TNS3: variants seen among roughly 807,000 people sequenced by gnomAD.
TNS3 encodes tensin 3.
In TNS3, 45 loss-of-function variants were observed where a neutral mutation model predicts 140.9. The ratio of observed to expected loss-of-function variants is 0.32; its 90% CI spans 0.25 to 0.41. The LOEUF (loss-of-function observed/expected upper bound fraction) is 0.41. Among genes scored for constraint, TNS3 ranks in the 10% least tolerant of loss-of-function variants. The pLI is 1.00. For missense variants in TNS3, 1,716 were observed against 1,906.7 expected, an observed-to-expected ratio of 0.90 and a Z score of 1.86; for synonymous variants, 815 against 788.4, an observed-to-expected ratio of 1.03 and a Z score of -0.56.
At chr7:47,493,933 G>A (rs1797909163) in intron 3 of TNS3, among the ~76,000 whole-genome samples, 1 of 152,144 alleles carries the variant, frequency 6.6e-6, no homozygotes. Flanking sequence ...TGGCCAACTG[G>A]CCAACTCTAA....
chr7:47,562,132 A>AAATTCCCT (rs534154509), intron 1 of TNS3, among the ~76,000 whole-genome samples: 84 of 152,164 alleles, frequency 5.5e-4, no homozygotes, highest in Non-Finnish European at 9.8e-4. Flanking sequence ...ATGATGGCAA[A>AAATTCCCT]AATTCCCTGT....
chr7:47,334,467 C>T (rs894351815), intron 20 of TNS3, among the ~76,000 whole-genome samples: 3 of 152,134 alleles, frequency 2.0e-5, no homozygotes, highest in South Asian at 2.1e-4. Context: ...TACCTAGGGG[C>T]GATGGTCTCA....
At chr7:47,331,022 G>T (rs968145201) in intron 20 of TNS3, among the ~76,000 whole-genome samples, 3 of 152,144 alleles carry the variant, frequency 2.0e-5, no homozygotes, top group African/African-American at 4.8e-5. Context: ...TACTCCCAGC[G>T]ATCAGGTGAT....
chr7:47,545,441 T>C (rs535774945), intron 1 of TNS3, among the ~76,000 whole-genome samples: 151 of 149,218 alleles, frequency 1.0e-3, no homozygotes, highest in African/African-American at 3.9e-3. Context: ...TCCCCTCCCA[T>C]AGAAATCTCT....
In TNS3 at chr7:47,276,040, T is replaced by C. The variant is rs749357140; in HGVS notation, c.*2036A>G. 1 of 354,042 alleles carries C rather than the reference T, an allele frequency of 2.8e-6. No individual in the cohort carries two copies. Among genetic ancestry groups the C allele is most frequent in the Admixed American group, 3.8e-5 (1 of 26,596 alleles). The allele number at this position is 354,042 out of a possible 1,614,324, so 21.9% of individuals were successfully genotyped here. A position where few individuals can be genotyped will look rare whatever the true frequency, so the allele number is the denominator to read the frequency against. On this transcript the variant is annotated 3_prime_UTR_variant, in exon 31 of 31. Coordinates refer to ENST00000311160, the MANE Select transcript of TNS3 (RefSeq NM_022748.12). ...GAGACCGTCTCAGGATGAGGACCTC[T>C]TGGGGAAAGTACAAACCTCTGCTCC... is the stretch of plus-strand genomic sequence containing the variant.
chr7:47,344,051 C>T (rs1044008689), intron 20 of TNS3, among the ~76,000 whole-genome samples: 1 of 152,112 alleles, frequency 6.6e-6, no homozygotes, highest in Non-Finnish European at 1.5e-5. Context: ...GGCAAAAAAG[C>T]AGCAGCGTAA....
At chr7:47,428,607 GA>G (rs1794775963) in intron 8 of TNS3, among the ~76,000 whole-genome samples, 1 of 152,186 alleles carries the variant, frequency 6.6e-6, no homozygotes, top group Non-Finnish European at 1.5e-5. Context: ...GTGCTAACTG[GA>G]GCAGCTGTAG....
At chr7:47,389,154 A>AAGAAGAAGAAGAAGAGGC (rs1340201271) in intron 16 of TNS3, among the ~76,000 whole-genome samples, 7 of 82,206 alleles carry the variant, frequency 8.5e-5, no homozygotes, top group African/African-American at 2.5e-4. Flanking sequence ...GAAGAAGAAG[A>AAGAAGAAGAAGAAGAGGC]AGCAGAAGAA....
chr7:47,562,313 A>T (rs1407172406), intron 1 of TNS3, among the ~76,000 whole-genome samples: 1 of 151,922 alleles, frequency 6.6e-6, no homozygotes, highest in Non-Finnish European at 1.5e-5. Flanking sequence ...ACTCAAAGAG[A>T]TGGAATTAGA....
intron 9 of TNS3, among the ~76,000 whole-genome samples, chr7:47,425,409 A>G (rs549410565): frequency 6.6e-6 from 1 of 152,332 alleles, no homozygotes; most frequent in South Asian, 2.1e-4. Context: ...TGATGTACAT[A>G]AGCACTGCGG....
At chr7:47,346,419 C>T in intron 17 of TNS3, 63 bp from the exon 18 acceptor site, 1 of 1,585,994 alleles carries the variant, frequency 6.3e-7, no homozygotes, top group Non-Finnish European at 8.6e-7. Context: ...GGCGCCCCTT[C>T]CTTAAATCTT....
At chr7:47,316,094 TTCTCTCTCTCTCTCTCTC>T (rs56939479) in intron 20 of TNS3, among the ~76,000 whole-genome samples, 3,976 of 105,912 alleles carry the variant, frequency 0.038, 191 homozygotes, top group African/African-American at 0.13. Flanking sequence ...AACTAACTAT[TTCTCTCTCTCTCTCTCTC>T]TCTCTCTCTC....
intron 1 of TNS3, among the ~76,000 whole-genome samples, chr7:47,534,647 C>T (rs181661689): frequency 1.4e-4 from 22 of 152,226 alleles, no homozygotes; most frequent in Admixed American, 9.2e-4. Flanking sequence ...TGTATATAAC[C>T]GACTATACTG....
At chr7:47,278,466 G>A in intron 30 of TNS3, 1 of 493,562 alleles carries the variant, frequency 2.0e-6, no homozygotes, top group Non-Finnish European at 3.6e-6. Context: ...TGAGTGCCCT[G>A]TCCACAGCCC....
intron 1 of TNS3, among the ~76,000 whole-genome samples, chr7:47,549,636 C>T (rs1001175647): frequency 6.6e-6 from 1 of 152,132 alleles, no homozygotes; most frequent in African/African-American, 2.4e-5. Context: ...TCACTTCCCC[C>T]AGATCCCTGC....
intron 16 of TNS3, among the ~76,000 whole-genome samples, chr7:47,379,021 C>A (rs189918543): frequency 1.3e-5 from 2 of 152,272 alleles, no homozygotes; most frequent in East Asian, 1.9e-4. Context: ...CAGGCTCCGG[C>A]GCATGGAAGA....
At chr7:47,526,064 G>A (rs1799181282) in intron 2 of TNS3, among the ~76,000 whole-genome samples, 1 of 152,204 alleles carries the variant, frequency 6.6e-6, no homozygotes, top group African/African-American at 2.4e-5. Flanking sequence ...ACGTGCTTGC[G>A]CGTTTCACAG....
At chr7:47,383,492 G>A (rs564189918) in intron 16 of TNS3, among the ~76,000 whole-genome samples, 67 of 152,276 alleles carry the variant, frequency 4.4e-4, no homozygotes, top group African/African-American at 1.6e-3. Flanking sequence ...CCTTGTGAAC[G>A]TACTAAAAAT....
intron 2 of TNS3, among the ~76,000 whole-genome samples, chr7:47,525,774 G>A (rs1333325371): frequency 6.6e-6 from 1 of 152,176 alleles, no homozygotes; most frequent in Non-Finnish European, 1.5e-5. Context: ...TGCATGCACT[G>A]CACACATAGC....
Sources: gnomAD v4.1 joint callset for allele counts (sites outside exome capture counted in the v4.1 genomes callset) on GRCh38, gnomAD v4.1.1 for gene constraint, MANE v1.5 for transcripts, NCBI Gene and HGNC (gene_info 2026-07-23, HGNC 2026-07-21) for gene names.